Variants in CDYL observed in about 807,000 individuals in gnomAD.
The protein encoded by CDYL is chromodomain Y like.
Under a neutral mutation model 47.3 loss-of-function variants are expected in CDYL, and 8 were observed. The ratio of observed to expected loss-of-function variants is 0.17; its 90% CI spans 0.10 to 0.31. The LOEUF is 0.31. Among genes scored for constraint, CDYL ranks in the 10% least tolerant of loss-of-function variants. The probability of loss-of-function intolerance (pLI) is 1.00; values close to 1 mark genes in which losing one functional copy is unlikely to be tolerated. For synonymous variants in CDYL, 266 were observed against 265.0 expected (o/e 1.00, Z -0.04); for missense variants, 471 against 701.4 (o/e 0.67, Z 3.71).
At chr6:4,754,469 CAAT>C (rs1189702986) in intron 3 of CDYL, among the ~76,000 whole-genome samples, 2 of 152,136 alleles carry the variant, frequency 1.3e-5, no homozygotes, top group Non-Finnish European at 2.9e-5. Context: ...ACAAGCAAAA[CAAT>C]AATATCTCAG....
At chr6:4,795,900 G>A (rs573730069) in intron 1 of CDYL, among the ~76,000 whole-genome samples, 1 of 151,936 alleles carries the variant, frequency 6.6e-6, no homozygotes, top group South Asian at 2.1e-4. Context: ...GCTGCATCCT[G>A]TAAGTTTAAT....
intron 2 of CDYL, among the ~76,000 whole-genome samples, chr6:4,909,834 A>G (rs1352059343): frequency 3.3e-5 from 5 of 151,744 alleles, no homozygotes; most frequent in Non-Finnish European, 7.4e-5. Context: ...CGGCCTCCCA[A>G]AGTGCTGGGA....
intron 1 of CDYL, among the ~76,000 whole-genome samples, chr6:4,842,085 ATTAT>A (rs1760512773): frequency 7.0e-6 from 1 of 143,234 alleles, no homozygotes; most frequent in Admixed American, 7.2e-5. Context: ...ATAATTATAT[ATTAT>A]TTATATCATA....
chr6:4,744,985 C>T lies in CDYL; in HGVS notation c.186+10141C>T, dbSNP rs186971079. On this transcript the variant is annotated intron_variant, in intron 3 of 8. Coordinates refer to the CDYL transcript ENST00000328908. ...ATTTCTTTTCTTTTTAGAGACAGGC[C>T]CCTGGCTCTGTTGCCCAGGTTGGAG... 1.3e-3 allele frequency among the ~76,000 whole-genome samples: 200 copies of T among 152,142 alleles called. 1 individual carries two copies. Among genetic ancestry groups the T allele is most frequent in the African/African-American group, 4.6e-3 (192 of 41,520 alleles).
At chr6:4,754,871 C>A (rs1166202418) in intron 3 of CDYL, among the ~76,000 whole-genome samples, 1 of 152,148 alleles carries the variant, frequency 6.6e-6, no homozygotes, top group African/African-American at 2.4e-5. Flanking sequence ...TTCCTGAAAT[C>A]ACTCTGAAAT....
intron 1 of CDYL, among the ~76,000 whole-genome samples, chr6:4,848,062 T>TG (rs1760713371): frequency 6.6e-6 from 1 of 152,242 alleles, no homozygotes. Context: ...AAAATATTAC[T>TG]GGCTTATGCT....
At position 4,931,422 on chromosome 6, in the gene CDYL, G is replaced by A. The variant is rs539436019; in HGVS notation, c.692-4093G>A. 2.6e-5 allele frequency among the ~76,000 whole-genome samples: 4 copies of A among 152,302 alleles called. No individual in the cohort carries two copies. The East Asian group carries it at 7.7e-4, about 29-fold the overall frequency. ...GAAATTTGAGCTGCCGTCCAGATGA[G>A]CAGAAGAAACTGGCCATTTGAATTC... On this transcript the variant is annotated intron_variant, in intron 2 of 6. Coordinates refer to ENST00000397588, the MANE Select transcript of CDYL (RefSeq NM_004824.4).
intron 1 of CDYL, among the ~76,000 whole-genome samples, chr6:4,853,855 G>A (rs1760924468): frequency 6.6e-6 from 1 of 152,236 alleles, no homozygotes; most frequent in African/African-American, 2.4e-5. Context: ...CAGCATGGCA[G>A]GCACCTCTTA....
chr6:4,821,260 CTTTTTTTTT>C (rs1176819548), intron 1 of CDYL, among the ~76,000 whole-genome samples: 5 of 60,384 alleles, frequency 8.3e-5, no homozygotes, highest in African/African-American at 2.2e-4. Context: ...TATGGGAATT[CTTTTTTTTT>C]TTTTTTTTTT....
At chr6:4,896,882 G>A (rs1324787649) in intron 2 of CDYL, among the ~76,000 whole-genome samples, 2 of 152,176 alleles carry the variant, frequency 1.3e-5, no homozygotes, top group African/African-American at 4.8e-5. Flanking sequence ...TTGAATATCT[G>A]TGAACCCAAA....
In CDYL at chr6:4,723,440, G is replaced by A. The variant is rs1388798690; in HGVS notation, c.103+7559G>A. 2.6e-5 allele frequency among the ~76,000 whole-genome samples: 4 copies of A among 152,228 alleles called. No homozygotes were observed. In the East Asian group the frequency reaches 5.8e-4, roughly 22 times the overall value. On this transcript the variant is annotated intron_variant, in intron 2 of 8. Coordinates refer to the CDYL transcript ENST00000328908. ...CCAAACTGGGCGATCTGACGACAGT[G>A]TCACAAAGAGGCTATTTACAGAGGT...
intron 1 of CDYL, among the ~76,000 whole-genome samples, chr6:4,784,409 T>G (rs1758698071): frequency 1.3e-5 from 2 of 152,236 alleles, no homozygotes; most frequent in African/African-American, 4.8e-5. Flanking sequence ...TTTGCTTTAT[T>G]GCCAGAATCT....
intron 1 of CDYL, among the ~76,000 whole-genome samples, chr6:4,835,143 T>C (rs1194947310): frequency 2.6e-5 from 4 of 152,162 alleles, no homozygotes; most frequent in African/African-American, 4.8e-5. Context: ...GGAGGAGAGG[T>C]GCTCTGCTTT....
At chr6:4,712,248 T>G (rs1339455221) in intron 1 of CDYL, among the ~76,000 whole-genome samples, 2 of 152,070 alleles carry the variant, frequency 1.3e-5, no homozygotes, top group East Asian at 3.9e-4. Flanking sequence ...CACATGTTCA[T>G]GAGAGAATTA....
At chr6:4,854,314 A>G (rs1305778634) in intron 1 of CDYL, among the ~76,000 whole-genome samples, 1 of 152,002 alleles carries the variant, frequency 6.6e-6, no homozygotes, top group Admixed American at 6.6e-5. Context: ...TTTCCTCAAA[A>G]CTCAGCATCC....
At chr6:4,884,679 G>A (rs907029922) in intron 1 of CDYL, among the ~76,000 whole-genome samples, 9 of 152,290 alleles carry the variant, frequency 5.9e-5, no homozygotes, top group Admixed American at 2.6e-4. Context: ...TGTTTACTGC[G>A]CTGTAGGATA....
intron 1 of CDYL, among the ~76,000 whole-genome samples, chr6:4,868,447 G>A (rs1298571036): frequency 2.0e-5 from 3 of 151,348 alleles, no homozygotes; most frequent in African/African-American, 4.9e-5. Context: ...TTCCATTATG[G>A]CCATTAAACA....
At chr6:4,714,622 C>G (rs1757219457) in intron 1 of CDYL, 1 of 152,262 alleles carries the variant, frequency 6.6e-6, no homozygotes, top group Admixed American at 6.5e-5. Context: ...CAGATTTCAG[C>G]TACCCTGAAC....
chr6:4,727,106 A>C (rs1034662900), intron 2 of CDYL, among the ~76,000 whole-genome samples: 1 of 152,164 alleles, frequency 6.6e-6, no homozygotes. Context: ...TATTTTCCCC[A>C]AAACCAGAAA....
Sources: gnomAD v4.1 joint callset for allele counts (sites outside exome capture counted in the v4.1 genomes callset) on GRCh38, gnomAD v4.1.1 for gene constraint, MANE v1.5 for transcripts, NCBI Gene and HGNC (gene_info 2026-07-23, HGNC 2026-07-21) for gene names.